MAGI2: variants seen among roughly 807,000 people sequenced by gnomAD.
MAGI2 encodes the protein membrane-associated guanylate kinase, WW and PDZ domain-containing protein 2.
A neutral mutation model predicts 133.3 loss-of-function variants in MAGI2; 35 were observed. The ratio of observed to expected loss-of-function variants is 0.26; its 90% CI spans 0.20 to 0.35. MAGI2 has a LOEUF of 0.35. MAGI2 is among the 10% of genes least tolerant of loss of function. MAGI2 has a pLI of 1.00. For missense variants in MAGI2, 1,636 were observed against 1,863.4 expected, an observed-to-expected ratio of 0.88 and a Z score of 2.25; for synonymous variants, 729 against 710.6, an observed-to-expected ratio of 1.03 and a Z score of -0.41.
intron 3 of MAGI2, among the ~76,000 whole-genome samples, chr7:78,599,047 G>A (rs1215347248): frequency 2.0e-5 from 3 of 152,052 alleles, no homozygotes; most frequent in African/African-American, 4.8e-5. Flanking sequence ...CACTTTATAC[G>A]CAACAAATTT....
chr7:78,336,767 C>CAAG (rs1210572349), intron 9 of MAGI2, among the ~76,000 whole-genome samples: 1 of 147,780 alleles, frequency 6.8e-6, no homozygotes, highest in Non-Finnish European at 1.5e-5. Flanking sequence ...AAGAAAGAAG[C>CAAG]AAGAAGAAGA....
chr7:78,900,851 A>G (rs544697383), intron 2 of MAGI2, among the ~76,000 whole-genome samples: 1 of 152,290 alleles, frequency 6.6e-6, no homozygotes, highest in East Asian at 1.9e-4. Context: ...GAACTCAATA[A>G]ATACTTGTTG....
intron 1 of MAGI2, among the ~76,000 whole-genome samples, chr7:79,310,023 A>T (rs1838133137): frequency 6.7e-6 from 1 of 149,416 alleles, no homozygotes; most frequent in South Asian, 2.1e-4. Context: ...AAATTAGCTG[A>T]GTGTGGTAGT....
intron 7 of MAGI2, among the ~76,000 whole-genome samples, chr7:78,365,455 C>T (rs1793281235): frequency 6.6e-6 from 1 of 152,120 alleles, no homozygotes; most frequent in African/African-American, 2.4e-5. Flanking sequence ...CTGCCTGGGT[C>T]CAAATTTCAG....
intron 2 of MAGI2, among the ~76,000 whole-genome samples, chr7:78,817,280 G>T (rs149424045): frequency 2.6e-5 from 4 of 152,336 alleles, no homozygotes; most frequent in Non-Finnish European, 5.9e-5. Context: ...TACTTCTGGT[G>T]AAGATGCTGT....
intron 2 of MAGI2, among the ~76,000 whole-genome samples, chr7:78,804,951 C>T (rs544316813): frequency 6.6e-6 from 1 of 151,186 alleles, no homozygotes; most frequent in African/African-American, 2.4e-5. Flanking sequence ...ACCTATAATC[C>T]CAGCAACTTG....
Position 78,019,491 on chromosome 7 carries a change from C to CGCT in MAGI2, c.4189_4191dup (p.Ser1397dup). 1.0e-6 allele frequency: 1 copy of CGCT among 980,252 alleles called. No individual in the cohort carries two copies. The highest frequency in any genetic ancestry group is 1.2e-6 in the Non-Finnish European group (1 of 828,134). 60.7% of individuals were successfully genotyped at this position (980,252 alleles called of 1,614,324 possible). On this transcript the variant is annotated inframe_insertion, in exon 22 of 22. Transcript: ENST00000354212. ...GCCCTGCCCTCGGCCTCCAGCGCGC[C>CGCT]GCTGCCGCCGCCGCCCGGGCCGGCA...
intron 6 of MAGI2, among the ~76,000 whole-genome samples, chr7:78,466,817 G>T (rs1790684699): frequency 6.6e-6 from 1 of 152,136 alleles, no homozygotes; most frequent in African/African-American, 2.4e-5. Context: ...GCTGCTTGTT[G>T]AAAGGCACTC....
chr7:78,502,898 A>T (rs1404159371), intron 4 of MAGI2, among the ~76,000 whole-genome samples: 4 of 152,212 alleles, frequency 2.6e-5, no homozygotes, highest in Non-Finnish European at 5.9e-5. Flanking sequence ...TTTATCTAAG[A>T]TGAAGAAACA....
intron 1 of MAGI2, among the ~76,000 whole-genome samples, chr7:79,418,965 AAATT>A (rs1172254804): frequency 6.6e-6 from 1 of 152,042 alleles, no homozygotes; most frequent in East Asian, 1.9e-4. Context: ...AATTAAAGAA[AAATT>A]AATTAACAAT....
At chr7:78,458,768 G>A (rs1302756993) in intron 6 of MAGI2, among the ~76,000 whole-genome samples, 1 of 151,836 alleles carries the variant, frequency 6.6e-6, no homozygotes, top group African/African-American at 2.4e-5. Context: ...CCGAGTAGGT[G>A]GGACTACAGG....
intron 3 of MAGI2, chr7:78,616,432 T>C (rs1001416879): frequency 2.6e-5 from 4 of 151,930 alleles, no homozygotes; most frequent in Non-Finnish European, 4.4e-5. Flanking sequence ...CATAGAACTT[T>C]GGGGTGTGTG....
At chr7:78,803,469 G>T (rs746244992) in intron 2 of MAGI2, among the ~76,000 whole-genome samples, 6 of 152,014 alleles carry the variant, frequency 3.9e-5, no homozygotes, top group Non-Finnish European at 7.4e-5. Flanking sequence ...AGAAAAATCT[G>T]GAAGCTTACA....
Position 79,184,864 on chromosome 7 carries a change from A to G in MAGI2, c.302-177658T>C, listed in dbSNP as rs951326814. On this transcript the variant is annotated intron_variant, in intron 1 of 21. Coordinates refer to ENST00000354212, the MANE Select transcript of MAGI2 (RefSeq NM_012301.4). Reference sequence around the variant, plus strand: ...AAAAAATAAAGCTTGATGTGACATAATAAATAAAGGTGCAATTCATAACCT... The same window carrying G: ...AAAAAATAAAGCTTGATGTGACATAGTAAATAAAGGTGCAATTCATAACCT... 2.0e-5 allele frequency among the ~76,000 whole-genome samples: 3 copies of G among 151,868 alleles called. No individual in the cohort carries two copies. The East Asian group carries it at 5.8e-4, about 30-fold the overall frequency.
chr7:78,160,691 A>T (rs1404296419), intron 15 of MAGI2, among the ~76,000 whole-genome samples: 2 of 152,236 alleles, frequency 1.3e-5, no homozygotes, highest in Non-Finnish European at 2.9e-5. Context: ...TTGTAAAAAA[A>T]AGTACATCTT....
chr7:79,292,350 G>A (rs1233977399), intron 1 of MAGI2, among the ~76,000 whole-genome samples: 3 of 151,842 alleles, frequency 2.0e-5, no homozygotes, highest in African/African-American at 4.8e-5. Context: ...GGGTTGGCAC[G>A]GTGGCTCATG....
At chr7:78,885,628 A>AGTGTGT (rs61111430) in intron 2 of MAGI2, among the ~76,000 whole-genome samples, 2,386 of 148,948 alleles carry the variant, frequency 0.016, 43 homozygotes, top group African/African-American at 0.043. Flanking sequence ...TGAAAGGAAT[A>AGTGTGT]GTGTGTGTGT....
At chr7:79,213,804 T>C (rs1741542214) in intron 1 of MAGI2, among the ~76,000 whole-genome samples, 1 of 152,056 alleles carries the variant, frequency 6.6e-6, no homozygotes, top group Non-Finnish European at 1.5e-5. Context: ...CAAATGTTCA[T>C]GGAGAATTAT....
intron 2 of MAGI2, among the ~76,000 whole-genome samples, chr7:78,796,664 A>G (rs1365610180): frequency 1.3e-5 from 2 of 152,156 alleles, no homozygotes; most frequent in Admixed American, 6.6e-5. Flanking sequence ...CAGTATATCA[A>G]AAAGGAATCT....
Sources: allele counts gnomAD v4.1 joint callset (sites outside exome capture counted in the v4.1 genomes callset), GRCh38; gene constraint gnomAD v4.1.1; transcripts MANE v1.5; gene names NCBI Gene and HGNC (gene_info 2026-07-23, HGNC 2026-07-21).